The following SLTM variants were observed in gnomAD, a reference collection of about 807,000 sequenced individuals.
The protein encoded by SLTM is SAFB-like transcription modulator.
Under a neutral mutation model 134.6 loss-of-function variants are expected in SLTM, and 43 were observed. That is an observed-to-expected ratio of 0.32 (90% confidence interval 0.25 to 0.41). The LOEUF is 0.41. Ranked by LOEUF, SLTM falls within the 10% of genes least tolerant of loss-of-function variation. SLTM has a pLI of 1.00. For synonymous variants in SLTM, 424 were observed against 432.3 expected (o/e 0.98, Z 0.24); for missense variants, 1,055 against 1,288.8 (o/e 0.82, Z 2.78).
intron 20 of SLTM, among the ~76,000 whole-genome samples, chr15:58,881,091 G>A (rs528527340): frequency 2.0e-5 from 3 of 152,146 alleles, no homozygotes; most frequent in East Asian, 3.9e-4. Context: ...GGCCGAGGCG[G>A]GCGGATCAAG....
chr15:58,891,723 T>C (rs556739794), intron 14 of SLTM, among the ~76,000 whole-genome samples: 4 of 152,208 alleles, frequency 2.6e-5, no homozygotes, highest in Non-Finnish European at 4.4e-5. Flanking sequence ...GGAATACATA[T>C]TTTTATTATA....
rs1206878433 is a variant in SLTM at position 58,912,624 on chromosome 15, T to C, written c.514-14A>G. The C allele has an allele frequency of 1.3e-6, 2 of 1,591,634 alleles. No homozygotes were observed. The highest frequency in any genetic ancestry group is 3.5e-5 in the Admixed American group (2 of 57,590). On this transcript the variant is annotated splice_polypyrimidine_tract_variant and intron_variant, in intron 4 of 20. Transcript: ENST00000380516. ...AGCTTCAATTTCCTAAGTAAAAGGG[T>C]ATACAATAGCTTTGCTTTATAAAAT...
intron 1 of SLTM, among the ~76,000 whole-genome samples, chr15:58,932,666 T>C (rs2037959752): frequency 6.6e-6 from 1 of 152,222 alleles, no homozygotes; most frequent in Non-Finnish European, 1.5e-5. Flanking sequence ...GAGTTTTAAA[T>C]TCTACCGTGT....
chr15:58,893,037 CT>C lies in SLTM; in HGVS notation c.1757del (p.Lys586ArgfsTer6). On this transcript the variant is annotated frameshift_variant, in exon 14 of 21. Coordinates refer to ENST00000380516, the MANE Select transcript of SLTM (RefSeq NM_024755.4). LOFTEE classifies it high-confidence loss of function. ...TTTTTTTATCTAGACTAGCTCTCTCCTTTTCCTTACTTCTTCCATGAATCTG... is the reference window on the plus strand; with the variant it reads ...TTTTTTTATCTAGACTAGCTCTCTCCTTTCCTTACTTCTTCCATGAATCTG... ...YEKIHGRSKE[K>X]ERASLDKKRD... The C allele has an allele frequency of 6.3e-7, 1 of 1,586,602 alleles. No homozygotes were observed. Among genetic ancestry groups the C allele is most frequent in the Non-Finnish European group, 8.5e-7 (1 of 1,173,010 alleles).
At chr15:58,881,495 C>A (rs944809718) in intron 20 of SLTM, among the ~76,000 whole-genome samples, 5 of 151,452 alleles carry the variant, frequency 3.3e-5, no homozygotes, top group East Asian at 3.9e-4. Flanking sequence ...CCACTGCACT[C>A]CAGCTTGGGG....
intron 6 of SLTM, chr15:58,900,542 C>T (rs1444007502): frequency 6.6e-6 from 1 of 152,482 alleles, no homozygotes; most frequent in Non-Finnish European, 1.5e-5. Context: ...CTGCAATTAC[C>T]GTTTTCAAAG....
At position 58,933,414 on chromosome 15, in the gene SLTM, C is replaced by T. The variant is rs2038042971; in HGVS notation, c.152G>A (p.Arg51Gln). Residue 51 changes from arginine to glutamine, a missense_variant, in exon 1 of 21, where the codon CGA becomes CAA. Coordinates refer to ENST00000380516, the MANE Select transcript of SLTM (RefSeq NM_024755.4). ...CTCGCCGGGCCTCACCTGCTTGAGT[C>T]GGGAGATGAGCACGGTCTTGACTCC... is the stretch of plus-strand genomic sequence containing the variant. ...ITGVKTVLIS[R>Q]LKQAIEEEGG... The T allele has an allele frequency of 1.3e-6, 2 of 1,579,942 alleles. No individual in the cohort carries two copies. The highest frequency in any genetic ancestry group is 2.5e-5 in the East Asian group (1 of 40,492).
chr15:58,908,002 C>CATGT (rs145467179), intron 5 of SLTM, among the ~76,000 whole-genome samples: 15 of 139,870 alleles, frequency 1.1e-4, no homozygotes, highest in Admixed American at 5.1e-4. Flanking sequence ...AAACATGCTG[C>CATGT]GTGTGTGTGT....
At chr15:58,881,908 TA>T (rs1416485273) in intron 20 of SLTM, among the ~76,000 whole-genome samples, 2 of 149,580 alleles carry the variant, frequency 1.3e-5, no homozygotes, top group African/African-American at 2.4e-5. Context: ...GAGAAACATT[TA>T]AAAAAAAATA....
chr15:58,909,751 AT>A (rs1434620937), intron 5 of SLTM, among the ~76,000 whole-genome samples: 2 of 152,216 alleles, frequency 1.3e-5, no homozygotes, highest in African/African-American at 4.8e-5. Context: ...CACCTTAACA[AT>A]TTACAAAAAA....
intron 5 of SLTM, among the ~76,000 whole-genome samples, chr15:58,911,012 G>C (rs2036233088): frequency 6.6e-6 from 1 of 151,988 alleles, no homozygotes; most frequent in African/African-American, 2.4e-5. Flanking sequence ...CCAAAGTGCT[G>C]GGATGACAGG....
At chr15:58,907,738 T>A (rs17302045) in intron 5 of SLTM, among the ~76,000 whole-genome samples, 1 of 151,970 alleles carries the variant, frequency 6.6e-6, no homozygotes, top group Non-Finnish European at 1.5e-5. Flanking sequence ...TACAAATGAC[T>A]ACTAATTGCA....
intron 20 of SLTM, among the ~76,000 whole-genome samples, chr15:58,881,089 C>A (rs558771441): frequency 2.0e-5 from 3 of 151,712 alleles, no homozygotes; most frequent in African/African-American, 7.3e-5. Context: ...GAGGCCGAGG[C>A]GGGCGGATCA....
At chr15:58,897,064 AT>A in intron 9 of SLTM, 50 bp downstream of exon 9, 1 of 1,057,548 alleles carries the variant, frequency 9.5e-7, no homozygotes, top group Non-Finnish European at 1.5e-6. Flanking sequence ...TACAATCCTC[AT>A]TTCAAATGCA....
chr15:58,900,707 C>T (rs1453981010), intron 6 of SLTM: 1 of 153,866 alleles, frequency 6.5e-6, no homozygotes, highest in Non-Finnish European at 1.4e-5. Context: ...GACTTCTGTC[C>T]AAGGACTCTT....
At chr15:58,887,172 T>C (rs1299049172) in intron 18 of SLTM, 53 bp from the exon 19 acceptor site, 5 of 1,612,184 alleles carry the variant, frequency 3.1e-6, no homozygotes, top group Non-Finnish European at 4.2e-6. Flanking sequence ...TCTTAACTTT[T>C]TTTAACCCCA....
intron 5 of SLTM, among the ~76,000 whole-genome samples, chr15:58,901,703 G>C (rs376651520): frequency 6.6e-6 from 1 of 152,232 alleles, no homozygotes; most frequent in African/African-American, 2.4e-5. Flanking sequence ...ATCTGTAGAC[G>C]TAACTTTCAA....
intron 5 of SLTM, among the ~76,000 whole-genome samples, chr15:58,902,731 T>G (rs1241694413): frequency 2.0e-5 from 3 of 148,606 alleles, no homozygotes; most frequent in African/African-American, 7.4e-5. Flanking sequence ...TTTGTCTTGT[T>G]TTTTTTTTTT....
chr15:58,909,076 C>T lies in SLTM; in HGVS notation c.561+3487G>A, dbSNP rs187992054. ...TCAGTAGTAGCGAACACCTCCACCA[C>T]CTAGATTGTTGTCTTGAAATACCAT... On this transcript the variant is annotated intron_variant, in intron 5 of 20. Transcript: ENST00000380516. Among the ~76,000 whole-genome samples, 408 of 152,304 alleles carry T rather than the reference C, an allele frequency of 2.7e-3. 1 individual carries two copies. The highest frequency in any genetic ancestry group is 9.4e-3 in the African/African-American group (392 of 41,558).
Sources: gnomAD v4.1 joint callset for allele counts (sites outside exome capture counted in the v4.1 genomes callset) on GRCh38, gnomAD v4.1.1 for gene constraint, MANE v1.5 for transcripts, NCBI Gene and HGNC (gene_info 2026-07-23, HGNC 2026-07-21) for gene names.